Variants in CADM1 observed in about 807,000 individuals in gnomAD.
CADM1 encodes TSLC-1.
CADM1 carries 15 observed loss-of-function variants against 53.1 expected under a neutral mutation model. The ratio of observed to expected loss-of-function variants is 0.28; its 90% CI spans 0.19 to 0.44. The LOEUF (loss-of-function observed/expected upper bound fraction) is 0.44. Among genes scored for constraint, CADM1 ranks in the 20% least tolerant of loss-of-function variants. The probability of loss-of-function intolerance (pLI) is 1.00; values close to 1 mark genes in which losing one functional copy is unlikely to be tolerated. For missense variants in CADM1, 434 were observed against 611.3 expected (o/e 0.71, Z 3.06); for synonymous variants, 281 against 243.0 (o/e 1.16, Z -1.45).
intron 1 of CADM1, among the ~76,000 whole-genome samples, chr11:115,354,681 G>C (rs1453364116): frequency 2.0e-5 from 3 of 152,130 alleles, no homozygotes; most frequent in African/African-American, 7.2e-5. Flanking sequence ...GGAGGTCATG[G>C]GAAAGAGCCA....
intron 1 of CADM1, among the ~76,000 whole-genome samples, chr11:115,495,775 G>A (rs1441847575): frequency 3.3e-5 from 5 of 152,090 alleles, no homozygotes; most frequent in Non-Finnish European, 2.9e-5. Flanking sequence ...CATCTCTCTG[G>A]GTAGATTTTT....
chr11:115,186,738 A>G (rs1017831693), intron 10 of CADM1, among the ~76,000 whole-genome samples: 4 of 152,162 alleles, frequency 2.6e-5, no homozygotes, highest in South Asian at 2.1e-4. Context: ...TCCTGTCCCA[A>G]TGGCCTTCCC....
intron 1 of CADM1, among the ~76,000 whole-genome samples, chr11:115,419,439 G>A (rs1241511915): frequency 2.0e-5 from 3 of 152,090 alleles, no homozygotes; most frequent in Non-Finnish European, 4.4e-5. Flanking sequence ...CCCTTTTGAT[G>A]CCCCTCCCCT....
chr11:115,459,271 C>T (rs895078543), intron 1 of CADM1, among the ~76,000 whole-genome samples: 6 of 152,170 alleles, frequency 3.9e-5, no homozygotes, highest in Non-Finnish European at 5.9e-5. Context: ...TCTCTACTAT[C>T]AGTGTATTAC....
chr11:115,360,440 A>G (rs1334785531), intron 1 of CADM1, among the ~76,000 whole-genome samples: 1 of 152,260 alleles, frequency 6.6e-6, no homozygotes, highest in Non-Finnish European at 1.5e-5. Flanking sequence ...CAAATGGGTT[A>G]CTTGAGACAG....
At chr11:115,251,936 T>C (rs1366448006) in intron 1 of CADM1, among the ~76,000 whole-genome samples, 2 of 152,228 alleles carry the variant, frequency 1.3e-5, no homozygotes, top group Non-Finnish European at 2.9e-5. Context: ...GCAAAGCCTA[T>C]GTCAGACAAT....
intron 1 of CADM1, among the ~76,000 whole-genome samples, chr11:115,435,507 C>T (rs970193108): frequency 1.2e-4 from 18 of 152,088 alleles, no homozygotes; most frequent in African/African-American, 4.1e-4. Flanking sequence ...CCGAGGCAGG[C>T]AGATCACTTG....
At chr11:115,419,192 A>T (rs1947691760) in intron 1 of CADM1, among the ~76,000 whole-genome samples, 1 of 152,194 alleles carries the variant, frequency 6.6e-6, no homozygotes, top group South Asian at 2.1e-4. Flanking sequence ...ACCCATCTTT[A>T]TGCTGTTCAC....
intron 1 of CADM1, among the ~76,000 whole-genome samples, chr11:115,335,465 A>G (rs1945244875): frequency 6.6e-6 from 1 of 151,962 alleles, no homozygotes; most frequent in African/African-American, 2.4e-5. Context: ...GTATATATAT[A>G]GTTGTAAAAG....
intron 1 of CADM1, among the ~76,000 whole-genome samples, chr11:115,387,679 T>A (rs1457527327): frequency 2.0e-5 from 3 of 152,126 alleles, no homozygotes; most frequent in Admixed American, 6.5e-5. Context: ...GGAAGAATAA[T>A]ACATTATAGA....
intron 1 of CADM1, among the ~76,000 whole-genome samples, chr11:115,413,031 T>A (rs1591792293): frequency 6.6e-6 from 1 of 152,158 alleles, no homozygotes; most frequent in Non-Finnish European, 1.5e-5. Context: ...AAAAGTACCA[T>A]TTCATTCAGC....
intron 1 of CADM1, among the ~76,000 whole-genome samples, chr11:115,380,449 G>A (rs1946547109): frequency 6.6e-6 from 1 of 152,192 alleles, no homozygotes; most frequent in Non-Finnish European, 1.5e-5. Context: ...CCAGCTGAAT[G>A]AAAATGAAAC....
chr11:115,181,050 G>C (rs1322215939), intron 10 of CADM1, among the ~76,000 whole-genome samples: 2 of 151,668 alleles, frequency 1.3e-5, no homozygotes, highest in Non-Finnish European at 2.9e-5. Context: ...GAGAAGCTTC[G>C]AGAAGCTGTC....
chr11:115,226,818 G>T (rs530164565), intron 5 of CADM1, among the ~76,000 whole-genome samples: 15 of 152,246 alleles, frequency 9.9e-5, no homozygotes, highest in African/African-American at 3.6e-4. Flanking sequence ...GAGTAAAGCT[G>T]GTAGGAAATG....
intron 10 of CADM1, among the ~76,000 whole-genome samples, chr11:115,186,280 G>A (rs1241556164): frequency 6.6e-6 from 1 of 152,160 alleles, no homozygotes; most frequent in Non-Finnish European, 1.5e-5. Context: ...GGGAATCAGT[G>A]GGACAACAGT....
intron 1 of CADM1, among the ~76,000 whole-genome samples, chr11:115,441,566 A>G (rs1161245698): frequency 6.6e-6 from 1 of 152,192 alleles, no homozygotes; most frequent in Non-Finnish European, 1.5e-5. Flanking sequence ...TGTGTGAGAA[A>G]TTTATCACTA....
chr11:115,258,032 C>T (rs557574283), intron 1 of CADM1, among the ~76,000 whole-genome samples: 10 of 152,250 alleles, frequency 6.6e-5, no homozygotes, highest in Admixed American at 4.6e-4. Context: ...AAGTATTTGC[C>T]TATTTTATAG....
At chr11:115,478,452 A>C (rs1949185445) in intron 1 of CADM1, among the ~76,000 whole-genome samples, 1 of 152,186 alleles carries the variant, frequency 6.6e-6, no homozygotes, top group African/African-American at 2.4e-5. Context: ...TTAAACTCCT[A>C]TGTATCTAGA....
At chr11:115,261,288 CTCATT>C (rs1211975833) in intron 1 of CADM1, among the ~76,000 whole-genome samples, 1 of 152,162 alleles carries the variant, frequency 6.6e-6, no homozygotes, top group African/African-American at 2.4e-5. Context: ...AGCTCTGATT[CTCATT>C]TCAATTAGAG....
Sources: allele counts gnomAD v4.1 joint callset (sites outside exome capture counted in the v4.1 genomes callset), GRCh38; gene constraint gnomAD v4.1.1; transcripts MANE v1.5; gene names NCBI Gene and HGNC (gene_info 2026-07-23, HGNC 2026-07-21).